The following GPBP1 variants were observed in gnomAD, a reference collection of about 807,000 sequenced individuals.
GPBP1 encodes vasculin.
GPBP1 carries 13 observed loss-of-function variants against 56.5 expected under a neutral mutation model. The observed-to-expected ratio is 0.23, with a 90% CI of 0.15 to 0.37. GPBP1 has a LOEUF of 0.37. GPBP1 is among the 10% of genes least tolerant of loss of function. The pLI is 1.00. For missense variants in GPBP1, 477 were observed against 572.3 expected (o/e 0.83, Z 1.70); for synonymous variants, 204 against 188.9 (o/e 1.08, Z -0.66).
intron 3 of GPBP1, among the ~76,000 whole-genome samples, chr5:57,226,553 CTTTT>C (rs34180383): frequency 6.3e-4 from 39 of 62,122 alleles, no homozygotes; most frequent in Non-Finnish European, 9.8e-4. Flanking sequence ...AGCATTTTTG[CTTTT>C]TTTTTTTTTT....
chr5:57,219,656 A>G (rs1204621682), intron 3 of GPBP1, among the ~76,000 whole-genome samples: 10 of 151,948 alleles, frequency 6.6e-5, no homozygotes, highest in Admixed American at 3.9e-4. Context: ...CTGGATGCAT[A>G]TGGGTTTCCT....
chr5:57,236,935 T>C (rs943621651), intron 6 of GPBP1: 1 of 590,620 alleles, frequency 1.7e-6, no homozygotes, highest in Non-Finnish European at 3.0e-6. Context: ...CCACTTCCTG[T>C]GCTATATTGT....
At chr5:57,240,080 T>C (rs1740751989) in intron 6 of GPBP1, among the ~76,000 whole-genome samples, 1 of 151,910 alleles carries the variant, frequency 6.6e-6, no homozygotes, top group African/African-American at 2.4e-5. Flanking sequence ...CCCTTGTCTC[T>C]ACAAAAATAA....
At chr5:57,190,895 A>G (rs1754493801) in intron 2 of GPBP1, among the ~76,000 whole-genome samples, 1 of 151,222 alleles carries the variant, frequency 6.6e-6, no homozygotes, top group African/African-American at 2.4e-5. Flanking sequence ...TTTGGTAGAG[A>G]CGGGGTTTTG....
chr5:57,220,051 CAAAA>C (rs34443889), intron 3 of GPBP1, among the ~76,000 whole-genome samples: 20 of 80,080 alleles, frequency 2.5e-4, no homozygotes, highest in African/African-American at 8.8e-4. Context: ...GACCCTGTCT[CAAAA>C]AAAAAAAAAA....
intron 3 of GPBP1, among the ~76,000 whole-genome samples, chr5:57,219,413 AAC>A: frequency 4.9e-5 from 3 of 61,134 alleles, no homozygotes; most frequent in African/African-American, 2.5e-4. Flanking sequence ...ACCAAAAACA[AAC>A]AAACAAAAAA....
rs527863175 is a variant in GPBP1 at position 57,236,406 on chromosome 5, C to T, written c.478+374C>T. On this transcript the variant is annotated intron_variant, in intron 6 of 11. Transcript: ENST00000506184. ...TTGAAAACTTTAACTGGAAATACTT[C>T]TGATCATAGTGTGACATGAAGTTAA... 2.0e-5 allele frequency among the ~76,000 whole-genome samples: 3 copies of T among 152,232 alleles called. No individual in the cohort carries two copies. In the South Asian group the frequency reaches 6.2e-4, roughly 32 times the overall value.
At chr5:57,261,578 A>G (rs1278700741) in intron 11 of GPBP1, among the ~76,000 whole-genome samples, 1 of 152,188 alleles carries the variant, frequency 6.6e-6, no homozygotes, top group Non-Finnish European at 1.5e-5. Flanking sequence ...TGACTTATTT[A>G]AACTATTGGG....
intron 2 of GPBP1, among the ~76,000 whole-genome samples, chr5:57,184,154 C>T (rs952965956): frequency 9.9e-5 from 15 of 152,122 alleles, no homozygotes; most frequent in Admixed American, 9.2e-4. Flanking sequence ...ATCACTTGAA[C>T]CTGGGAGATG....
chr5:57,260,526 T>G (rs1741854255), intron 10 of GPBP1, among the ~76,000 whole-genome samples: 1 of 152,204 alleles, frequency 6.6e-6, no homozygotes, highest in Non-Finnish European at 1.5e-5. Flanking sequence ...TTGTGGTGCC[T>G]TAAACAAGAT....
chr5:57,252,828 G>A (rs1309014850), intron 10 of GPBP1, among the ~76,000 whole-genome samples: 1 of 151,574 alleles, frequency 6.6e-6, no homozygotes, highest in Non-Finnish European at 1.5e-5. Context: ...TTGTGCTTCA[G>A]CCTCCTCAGT....
intron 2 of GPBP1, among the ~76,000 whole-genome samples, chr5:57,205,473 A>G (rs1755192707): frequency 6.6e-6 from 1 of 151,870 alleles, no homozygotes; most frequent in Non-Finnish European, 1.5e-5. Flanking sequence ...TGCGTGTTTG[A>G]CTTTTTAAGG....
chr5:57,194,253 C>T (rs1385882963), intron 2 of GPBP1, among the ~76,000 whole-genome samples: 1 of 152,068 alleles, frequency 6.6e-6, no homozygotes, highest in East Asian at 1.9e-4. Context: ...AAGGCAAATT[C>T]CTGTAAGTGA....
At chr5:57,251,560 T>C (rs1741389924) in intron 10 of GPBP1, among the ~76,000 whole-genome samples, 1 of 152,030 alleles carries the variant, frequency 6.6e-6, no homozygotes, top group Admixed American at 6.6e-5. Flanking sequence ...TGATGAATAT[T>C]AGTTGTTTCC....
chr5:57,187,017 T>C (rs1754319482), intron 2 of GPBP1, among the ~76,000 whole-genome samples: 1 of 150,156 alleles, frequency 6.7e-6, no homozygotes, highest in Non-Finnish European at 1.5e-5. Flanking sequence ...TGTGTGTGTG[T>C]GTGTGTGTGT....
intron 6 of GPBP1, among the ~76,000 whole-genome samples, chr5:57,240,432 C>T (rs1740770743): frequency 6.6e-6 from 1 of 152,200 alleles, no homozygotes; most frequent in South Asian, 2.1e-4. Context: ...TTATAAGCCT[C>T]TTACCCCAAC....
chr5:57,186,024 A>C (rs923401633), intron 2 of GPBP1, among the ~76,000 whole-genome samples: 2 of 152,056 alleles, frequency 1.3e-5, no homozygotes, highest in African/African-American at 4.8e-5. Flanking sequence ...TTTTGGATAC[A>C]TGTTTTGCAA....
chr5:57,237,206 C>T, intron 6 of GPBP1: 1 of 1,328,568 alleles, frequency 7.5e-7, no homozygotes, highest in South Asian at 1.3e-5. Flanking sequence ...TTTCTGGGAA[C>T]AACTGATTGC....
At chr5:57,210,816 G>A (rs894684012) in intron 2 of GPBP1, among the ~76,000 whole-genome samples, 6 of 152,150 alleles carry the variant, frequency 3.9e-5, no homozygotes, top group Non-Finnish European at 8.8e-5. Flanking sequence ...CCTGCTTGCT[G>A]CCTCTTCACA....
Sources: allele counts gnomAD v4.1 joint callset (sites outside exome capture counted in the v4.1 genomes callset), GRCh38; gene constraint gnomAD v4.1.1; transcripts MANE v1.5; gene names NCBI Gene and HGNC (gene_info 2026-07-23, HGNC 2026-07-21).